The following FBN1 variants were observed in gnomAD, a reference collection of about 807,000 sequenced individuals.
FBN1 encodes the protein fibrillin 1.
A neutral mutation model predicts 365.1 loss-of-function variants in FBN1; 29 were observed. The observed-to-expected ratio is 0.08, with a 90% CI of 0.06 to 0.11. FBN1 has a LOEUF of 0.11. FBN1 is among the 10% of genes least tolerant of loss of function. FBN1 has a pLI of 1.00. For synonymous variants in FBN1, 1,210 were observed against 1,270.5 expected (o/e 0.95, Z 1.01); for missense variants, 2,476 against 3,703.2 (o/e 0.67, Z 8.60).
intron 12 of FBN1, 45 bp from the exon 13 acceptor site, chr15:48,513,713 C>G: frequency 6.2e-7 from 1 of 1,610,454 alleles, no homozygotes; most frequent in South Asian, 1.1e-5. Context: ...ATAGCAATAC[C>G]TCATAATTCT....
At chr15:48,432,087 T>C (rs1029964200) in intron 55 of FBN1, among the ~76,000 whole-genome samples, 4 of 152,200 alleles carry the variant, frequency 2.6e-5, no homozygotes, top group Admixed American at 2.6e-4. Context: ...CTGGACTTGG[T>C]TGGGCCTTCC....
intron 6 of FBN1, 132 bp downstream of exon 6, chr15:48,596,151 A>G (rs553444061): frequency 6.1e-6 from 5 of 813,462 alleles, no homozygotes; most frequent in Admixed American, 4.0e-5. Flanking sequence ...GACCTTCCCA[A>G]TGACAAATGA....
At chr15:48,609,305 A>T (rs1283155246) in intron 4 of FBN1, among the ~76,000 whole-genome samples, 2 of 152,244 alleles carry the variant, frequency 1.3e-5, no homozygotes, top group African/African-American at 4.8e-5. Context: ...GTCCCAGCCC[A>T]TAGGGCAATT....
rs1555397209 is a variant in FBN1, at chr15:48,468,483, T to C, written c.4511A>G (p.Asn1504Ser). The C allele has an allele frequency of 6.2e-7, 1 of 1,614,158 alleles. No homozygotes were observed. The highest frequency in any genetic ancestry group is 8.5e-7 in the Non-Finnish European group (1 of 1,180,010). ...PTTCISGNCVNTPGSYICDCP... is the reference protein window; with the variant it reads ...PTTCISGNCVSTPGSYICDCP... ...GTCACAGATATAGCTGCCTGGAGTG[T>C]TGACACAGTTCCCACTGATGCACGT... Residue 1504 changes from asparagine to serine, a missense_variant, in exon 37 of 66, where the codon AAC becomes AGC. Asn to Ser is a conservative substitution (Grantham distance 46, BLOSUM62 1). Coordinates refer to ENST00000316623, the MANE Select transcript of FBN1 (RefSeq NM_000138.5).
At chr15:48,578,887 G>A (rs1350939304) in intron 6 of FBN1, among the ~76,000 whole-genome samples, 2 of 143,814 alleles carry the variant, frequency 1.4e-5, no homozygotes, top group Admixed American at 1.4e-4. Context: ...GGATAGCATT[G>A]GGAGATATAC....
At chr15:48,455,383 T>C in intron 44 of FBN1, among the ~76,000 whole-genome samples, 1 of 152,134 alleles carries the variant, frequency 6.6e-6, no homozygotes, top group Admixed American at 6.5e-5. Flanking sequence ...TCAGCAAATA[T>C]AAGTGGTTAA....
At chr15:48,544,868 G>A (rs2044083295) in intron 6 of FBN1, among the ~76,000 whole-genome samples, 2 of 152,110 alleles carry the variant, frequency 1.3e-5, no homozygotes, top group African/African-American at 4.8e-5. Context: ...AAAAAAGACT[G>A]GGAGAATCGG....
At chr15:48,596,620 G>T (rs1436231299) in intron 5 of FBN1, among the ~76,000 whole-genome samples, 1 of 152,210 alleles carries the variant, frequency 6.6e-6, no homozygotes, top group African/African-American at 2.4e-5. Flanking sequence ...TGAAGCATCT[G>T]AGCAATGCTT....
chr15:48,639,114 T>C (rs1166861393), intron 2 of FBN1, among the ~76,000 whole-genome samples: 1 of 152,214 alleles, frequency 6.6e-6, no homozygotes, highest in Non-Finnish European at 1.5e-5. Flanking sequence ...TAAGTGGAAT[T>C]TTACCAATGT....
intron 8 of FBN1, among the ~76,000 whole-genome samples, chr15:48,527,974 AC>A (rs2043929639): frequency 6.6e-6 from 1 of 152,360 alleles, no homozygotes; most frequent in East Asian, 1.9e-4. Context: ...CTTAACACAA[AC>A]AAAAAGCAAG....
intron 6 of FBN1, among the ~76,000 whole-genome samples, chr15:48,543,310 A>G (rs1425420128): frequency 6.6e-6 from 1 of 152,148 alleles, no homozygotes; most frequent in Non-Finnish European, 1.5e-5. Flanking sequence ...TGCAGCTTGT[A>G]TCTGAGTGGA....
In FBN1 at chr15:48,437,390, G is replaced by A. The variant is rs1368625701; in HGVS notation, c.6314-3C>T. 13 of 1,610,568 alleles carry A rather than the reference G, an allele frequency of 8.1e-6. No individual in the cohort carries two copies. The highest frequency in any genetic ancestry group is 9.3e-6 in the Non-Finnish European group (11 of 1,177,170). On this transcript the variant is annotated splice_polypyrimidine_tract_variant and splice_region_variant and intron_variant, in intron 51 of 65. Transcript: ENST00000316623. ...AGGACATATCTGGCGGAAGGCCTCTGTGGTGGAGACACTCATTAATAGATA... is the reference window on the plus strand; with the variant it reads ...AGGACATATCTGGCGGAAGGCCTCTATGGTGGAGACACTCATTAATAGATA...
chr15:48,577,175 G>C (rs2044354717), intron 6 of FBN1, among the ~76,000 whole-genome samples: 1 of 152,024 alleles, frequency 6.6e-6, no homozygotes, highest in Non-Finnish European at 1.5e-5. Context: ...CCAAGATACA[G>C]AGATTCCCAA....
chr15:48,428,702 A>T (rs1053791330), intron 56 of FBN1, among the ~76,000 whole-genome samples: 4 of 152,170 alleles, frequency 2.6e-5, no homozygotes, highest in Non-Finnish European at 5.9e-5. Context: ...CAAAATTTAA[A>T]AGGTATAAAA....
At chr15:48,540,302 C>T (rs942440199) in intron 6 of FBN1, among the ~76,000 whole-genome samples, 4 of 152,132 alleles carry the variant, frequency 2.6e-5, no homozygotes, top group East Asian at 1.9e-4. Flanking sequence ...CCCTTGATAA[C>T]GTATTGATTA....
chr15:48,618,654 G>A (rs1889706463), intron 2 of FBN1, among the ~76,000 whole-genome samples: 1 of 152,212 alleles, frequency 6.6e-6, no homozygotes, highest in Non-Finnish European at 1.5e-5. Context: ...CCACAGACCA[G>A]TAACGGTCCA....
intron 34 of FBN1, 79 bp downstream of exon 34, chr15:48,474,176 A>C: frequency 6.2e-7 from 1 of 1,600,262 alleles, no homozygotes; most frequent in Non-Finnish European, 8.5e-7. Context: ...TCTTCAAAAA[A>C]GAATTGCTAG....
chr15:48,550,493 T>A lies in FBN1; in HGVS notation c.539-12685A>T, dbSNP rs529744889. ...AACAGCTTCTTTATTGCCCCTCCTC[T>A]GAAATTCAATTGCTACTGCTTTAGT... On this transcript the variant is annotated intron_variant, in intron 6 of 65. Coordinates refer to ENST00000316623, the MANE Select transcript of FBN1 (RefSeq NM_000138.5). Among the ~76,000 whole-genome samples, 165 of 152,238 alleles carry A rather than the reference T, an allele frequency of 1.1e-3. 1 individual carries two copies. The highest frequency in any genetic ancestry group is 3.5e-3 in the African/African-American group (147 of 41,554).
chr15:48,478,260 G>A (rs140337492), intron 32 of FBN1, among the ~76,000 whole-genome samples: 19 of 152,282 alleles, frequency 1.2e-4, no homozygotes, highest in Non-Finnish European at 2.5e-4. Flanking sequence ...CCGACAGCCA[G>A]TGAAGGAAAA....
Sources: gnomAD v4.1 joint callset for allele counts (sites outside exome capture counted in the v4.1 genomes callset) on GRCh38, gnomAD v4.1.1 for gene constraint, MANE v1.5 for transcripts, NCBI Gene and HGNC (gene_info 2026-07-23, HGNC 2026-07-21) for gene names.